Variants in ANKRD36C observed in about 807,000 individuals in gnomAD.
The protein encoded by ANKRD36C is ankyrin repeat domain 36C.
Under a neutral mutation model 276.4 loss-of-function variants are expected in ANKRD36C, and 61 were observed. That is an observed-to-expected ratio of 0.22 (90% CI 0.18 to 0.27). The LOEUF (loss-of-function observed/expected upper bound fraction) is 0.27, where lower values mean the gene tolerates loss of function less well. Ranked by LOEUF, ANKRD36C falls within the 10% of genes least tolerant of loss-of-function variation. ANKRD36C has a pLI of 1.00. For synonymous variants in ANKRD36C, 483 were observed against 680.1 expected (o/e 0.71, Z 4.51); for missense variants, 1,447 against 2,032.3 (o/e 0.71, Z 5.54).
At chr2:95,910,717 A>G in intron 42 of ANKRD36C, 149 bp from the exon 45 acceptor site, 2 of 1,430,168 alleles carry the variant, frequency 1.4e-6, no homozygotes, top group East Asian at 2.5e-5. Context: ...GGACTAGAAC[A>G]TGACAGAAGT....
At chr2:95,927,525 G>A (rs1423888277) in intron 26 of ANKRD36C, 116 bp from the exon 27 acceptor site, 1 of 1,488,710 alleles carries the variant, frequency 6.7e-7, no homozygotes, top group African/African-American at 1.4e-5. Flanking sequence ...TGTAGGCTTT[G>A]ATGTTTTCTA....
intron 58 of ANKRD36C, among the ~76,000 whole-genome samples, chr2:95,878,155 G>A (rs1675996454): frequency 6.7e-6 from 1 of 149,080 alleles, no homozygotes; most frequent in African/African-American, 2.5e-5. Flanking sequence ...TTACACTCCA[G>A]GCTGGGAGAC....
chr2:95,982,495 C>A, intron 3 of ANKRD36C, 133 bp from the exon 4 acceptor site: 1 of 740,396 alleles, frequency 1.4e-6, no homozygotes, highest in Non-Finnish European at 2.1e-6. Context: ...CTTTCTTTTC[C>A]CTCCTCGGTG....
intron 3 of ANKRD36C, among the ~76,000 whole-genome samples, chr2:95,982,571 A>G (rs1389183453): frequency 8.3e-6 from 1 of 120,722 alleles, no homozygotes; most frequent in Admixed American, 9.3e-5. Context: ...AACTCTGGTC[A>G]TCTCCAAAAC....
At chr2:95,983,033 C>T (rs180767869) in intron 3 of ANKRD36C, among the ~76,000 whole-genome samples, 404 of 151,748 alleles carry the variant, frequency 2.7e-3, no homozygotes, top group Admixed American at 7.6e-3. Context: ...TGAGAGCTTA[C>T]CAGTAAAGGT....
intron 54 of ANKRD36C, 82 bp downstream of exon 74, chr2:95,884,091 A>G: frequency 1.4e-6 from 2 of 1,450,320 alleles, no homozygotes; most frequent in Non-Finnish European, 9.5e-7. Flanking sequence ...AGCTTCGACG[A>G]GCCCTCCGTT....
At chr2:95,981,503 T>C (rs1486883938) in intron 4 of ANKRD36C, among the ~76,000 whole-genome samples, 1 of 148,548 alleles carries the variant, frequency 6.7e-6, no homozygotes, top group Non-Finnish European at 1.5e-5. Flanking sequence ...TTACATTATA[T>C]TCTTACATAC....
At chr2:95,978,767 G>A (rs543817757) in intron 5 of ANKRD36C, among the ~76,000 whole-genome samples, 44 of 151,960 alleles carry the variant, frequency 2.9e-4, no homozygotes, top group African/African-American at 1.0e-3. Context: ...ATTATTTGTG[G>A]CTTATAATTC....
chr2:95,919,832 A>C, intron 34 of ANKRD36C, 27 bp from the exon 36 acceptor site: 5 of 1,511,612 alleles, frequency 3.3e-6, no homozygotes, highest in Non-Finnish European at 3.6e-6. Flanking sequence ...AGAAAATAAT[A>C]AATAAATAAA....
chr2:95,974,378 TTAGAA>T (rs1678762140), intron 6 of ANKRD36C, among the ~76,000 whole-genome samples: 1 of 152,162 alleles, frequency 6.6e-6, no homozygotes, highest in South Asian at 2.1e-4. Context: ...CAGATATACT[TTAGAA>T]TAGGTAGCTA....
At chr2:95,851,868 T>C (rs1443143626) in intron 65 of ANKRD36C, 81 bp from the exon 86 acceptor site, 58 of 1,395,314 alleles carry the variant, frequency 4.2e-5, no homozygotes, top group Non-Finnish European at 5.6e-5. Context: ...CTTCTGAAGG[T>C]ATAATTACAC....
intron 59 of ANKRD36C, among the ~76,000 whole-genome samples, chr2:95,869,383 G>A (rs1573728425): frequency 6.6e-6 from 1 of 152,282 alleles, no homozygotes; most frequent in African/African-American, 2.4e-5. Context: ...TATAAAGGCA[G>A]TCACTTTAAA....
At chr2:95,944,290 C>CT (rs1193901599) in intron 19 of ANKRD36C, among the ~76,000 whole-genome samples, 11 of 151,998 alleles carry the variant, frequency 7.2e-5, no homozygotes, top group African/African-American at 2.7e-4. Context: ...TGGAGCTGTT[C>CT]TTTCAGGTTG....
At chr2:95,912,274 C>G in exon 42 of ANKRD36C, 1 of 1,557,886 alleles carries the variant, frequency 6.4e-7, no homozygotes, top group Non-Finnish European at 8.7e-7. Context: ...TCCTTTTTTT[C>G]TCTGGTTATA....
At chr2:95,855,386 A>T (rs534174202) in exon 63 of ANKRD36C, 35 of 1,613,452 alleles carry the variant, frequency 2.2e-5, no homozygotes, top group Non-Finnish European at 1.4e-5. Context: ...ACTCAGCTTG[A>T]AGGTTTTCTA....
At chr2:95,880,145 A>G (rs1278762968) in intron 58 of ANKRD36C, among the ~76,000 whole-genome samples, 4 of 149,880 alleles carry the variant, frequency 2.7e-5, no homozygotes, top group Non-Finnish European at 4.4e-5. Context: ...GAGCCATTGC[A>G]CTCCACCCTG....
At chr2:95,889,400 T>G (rs1169444721) in intron 48 of ANKRD36C, among the ~76,000 whole-genome samples, 1 of 151,570 alleles carries the variant, frequency 6.6e-6, no homozygotes, top group African/African-American at 2.4e-5. Flanking sequence ...TTCTACAGTG[T>G]TTTTGTGGTA....
chr2:95,903,032 T>A, intron 42 of ANKRD36C, 21 bp downstream of exon 53: 3 of 1,570,354 alleles, frequency 1.9e-6, no homozygotes, highest in Non-Finnish European at 1.7e-6. Context: ...TAGTTCACAA[T>A]ATAAATGACA....
intron 6 of ANKRD36C, among the ~76,000 whole-genome samples, chr2:95,964,772 T>C (rs1404601627): frequency 6.6e-6 from 1 of 152,054 alleles, no homozygotes; most frequent in Non-Finnish European, 1.5e-5. Context: ...CTATCTTACC[T>C]ATTTTCCTCT....
Sources: gnomAD v4.1 joint callset for allele counts (sites outside exome capture counted in the v4.1 genomes callset) on GRCh38, gnomAD v4.1.1 for gene constraint, MANE v1.5 for transcripts, NCBI Gene and HGNC (gene_info 2026-07-23, HGNC 2026-07-21) for gene names.